Variants in SH3PXD2A observed in about 807,000 individuals in gnomAD.
The protein encoded by SH3PXD2A is SH3 and PX domain-containing protein 2A.
In SH3PXD2A, 32 loss-of-function variants were observed where a neutral mutation model predicts 115.2. That is an observed-to-expected ratio of 0.28 (90% CI 0.21 to 0.37). SH3PXD2A has a LOEUF of 0.37. Among genes scored for constraint, SH3PXD2A ranks in the 10% least tolerant of loss-of-function variants. The pLI, the probability that SH3PXD2A is intolerant of heterozygous loss-of-function variation, is 1.00. For synonymous variants in SH3PXD2A, 610 were observed against 629.1 expected (o/e 0.97, Z 0.45); for missense variants, 1,328 against 1,498.7 (o/e 0.89, Z 1.88).
intron 6 of SH3PXD2A, among the ~76,000 whole-genome samples, chr10:103,671,322 T>A (rs906006334): frequency 2.0e-5 from 3 of 152,154 alleles, no homozygotes; most frequent in African/African-American, 7.2e-5. Flanking sequence ...TGGGCTGTGT[T>A]CCAATAAAAC....
intron 6 of SH3PXD2A, among the ~76,000 whole-genome samples, chr10:103,672,465 A>G (rs2037477158): frequency 6.6e-6 from 1 of 152,246 alleles, no homozygotes; most frequent in African/African-American, 2.4e-5. Flanking sequence ...CTTTCCAGAG[A>G]AACGGACTGT....
At chr10:103,763,626 G>A (rs1444925757) in intron 3 of SH3PXD2A, among the ~76,000 whole-genome samples, 1 of 152,218 alleles carries the variant, frequency 6.6e-6, no homozygotes, top group Non-Finnish European at 1.5e-5. Flanking sequence ...GCCTTGAGCT[G>A]GTGCTAGTGT....
intron 2 of SH3PXD2A, among the ~76,000 whole-genome samples, chr10:103,769,449 C>CTTCT (rs776929884): frequency 0.01 from 1,424 of 137,450 alleles, 25 homozygotes; most frequent in African/African-American, 0.032. Context: ...TCTTCTTCTT[C>CTTCT]TTTTTTTTTT....
chr10:103,798,474 G>A (rs564405618), intron 2 of SH3PXD2A, among the ~76,000 whole-genome samples: 101 of 152,272 alleles, frequency 6.6e-4, no homozygotes, highest in African/African-American at 2.1e-3. Flanking sequence ...CACCTCGCTA[G>A]TTCTTCACTG....
At chr10:103,709,652 T>C (rs548638055) in intron 5 of SH3PXD2A, among the ~76,000 whole-genome samples, 76 of 152,284 alleles carry the variant, frequency 5.0e-4, no homozygotes, top group South Asian at 1.9e-3. Flanking sequence ...CCAAGCTTCA[T>C]TGAGGGGTAG....
chr10:103,604,984 A>C (rs536575215), intron 14 of SH3PXD2A, among the ~76,000 whole-genome samples: 22 of 152,222 alleles, frequency 1.4e-4, no homozygotes, highest in Admixed American at 3.3e-4. Context: ...CTTGTATTAG[A>C]TGGAGTTAAC....
At chr10:103,788,598 G>C (rs1293682189) in intron 2 of SH3PXD2A, among the ~76,000 whole-genome samples, 1 of 152,024 alleles carries the variant, frequency 6.6e-6, no homozygotes, top group Non-Finnish European at 1.5e-5. Context: ...CGGGTGCGGT[G>C]GCTCACGCCT....
At chr10:103,612,747 G>A (rs944389127) in intron 12 of SH3PXD2A, 106 bp downstream of exon 12, 2 of 713,172 alleles carry the variant, frequency 2.8e-6, no homozygotes, top group South Asian at 2.1e-5. Context: ...TAGCCCAGGA[G>A]GAAAACGCCA....
chr10:103,612,900 T>C lies in SH3PXD2A; in HGVS notation c.1211A>G (p.Gln404Arg). 1 of 1,606,116 alleles carries C rather than the reference T, an allele frequency of 6.2e-7. No individual in the cohort carries two copies. The highest frequency in any genetic ancestry group is 8.5e-7 in the Non-Finnish European group (1 of 1,176,374). The part of the protein sequence containing the change: ...VPDRTVSRLA[Q>R]GSPAVARIAP... ...AATCCTGGCCACAGCTGGAGAGCCC[T>C]GGGCCAGCCTGGAGACAGTCCTGTC... is the stretch of plus-strand genomic sequence containing the variant. The change falls in exon 12 of 15, where the codon CAG (glutamine) becomes CGG (arginine). Residue 404 changes from glutamine (Q) to arginine (R), a missense_variant. Transcript: ENST00000369774.
At chr10:103,618,974 C>T (rs1269260222) in intron 10 of SH3PXD2A, among the ~76,000 whole-genome samples, 1 of 152,232 alleles carries the variant, frequency 6.6e-6, no homozygotes, top group Non-Finnish European at 1.5e-5. Context: ...GTGGTTGTGG[C>T]TGCCCTGCCA....
intron 1 of SH3PXD2A, among the ~76,000 whole-genome samples, chr10:103,844,583 T>G (rs935499723): frequency 6.6e-6 from 1 of 152,172 alleles, no homozygotes; most frequent in Non-Finnish European, 1.5e-5. Flanking sequence ...GAGCACCTTC[T>G]CACAGAAGCC....
At chr10:103,764,192 T>A (rs1165656816) in intron 3 of SH3PXD2A, among the ~76,000 whole-genome samples, 2 of 152,140 alleles carry the variant, frequency 1.3e-5, no homozygotes, top group Non-Finnish European at 2.9e-5. Flanking sequence ...CTGGCCAGGT[T>A]CTGATTGTGT....
chr10:103,688,783 G>A (rs1163242199), intron 6 of SH3PXD2A, among the ~76,000 whole-genome samples: 3 of 152,166 alleles, frequency 2.0e-5, no homozygotes, highest in Non-Finnish European at 4.4e-5. Flanking sequence ...AGTTCTGGGT[G>A]GGATGGAGTC....
At chr10:103,651,679 T>C (rs375354016) in intron 8 of SH3PXD2A, among the ~76,000 whole-genome samples, 12 of 152,344 alleles carry the variant, frequency 7.9e-5, no homozygotes, top group African/African-American at 2.2e-4. Flanking sequence ...CTTGCCAAGA[T>C]GTTTTATAGA....
intron 7 of SH3PXD2A, among the ~76,000 whole-genome samples, 175 bp downstream of exon 7, chr10:103,668,433 G>A (rs1282559139): frequency 1.3e-5 from 2 of 152,268 alleles, no homozygotes; most frequent in African/African-American, 4.8e-5. Context: ...AGGGCCCCAT[G>A]TTCAGATCTG....
chr10:103,604,446 T>C (rs1468301817), intron 14 of SH3PXD2A, among the ~76,000 whole-genome samples: 3 of 152,226 alleles, frequency 2.0e-5, no homozygotes, highest in African/African-American at 7.2e-5. Context: ...TATAAACTGG[T>C]TTAAGGAGCT....
chr10:103,729,084 C>T (rs573623111), intron 4 of SH3PXD2A, among the ~76,000 whole-genome samples: 19 of 152,104 alleles, frequency 1.2e-4, no homozygotes, highest in Admixed American at 4.6e-4. Flanking sequence ...TTAGTAGAGA[C>T]GGGGTTTCAC....
chr10:103,680,594 CA>C (rs1340279818), intron 6 of SH3PXD2A, among the ~76,000 whole-genome samples: 4 of 152,138 alleles, frequency 2.6e-5, no homozygotes, highest in Non-Finnish European at 5.9e-5. Flanking sequence ...TTTCTGAGCA[CA>C]AGGAAGCAAA....
At chr10:103,767,452 G>A (rs2038765996) in intron 2 of SH3PXD2A, among the ~76,000 whole-genome samples, 1 of 152,194 alleles carries the variant, frequency 6.6e-6, no homozygotes, top group African/African-American at 2.4e-5. Flanking sequence ...CTGGGGTAGG[G>A]ACCAGAGGCT....
Sources: gnomAD v4.1 joint callset for allele counts (sites outside exome capture counted in the v4.1 genomes callset) on GRCh38, gnomAD v4.1.1 for gene constraint, MANE v1.5 for transcripts, NCBI Gene and HGNC (gene_info 2026-07-23, HGNC 2026-07-21) for gene names.